Variants in ANGPTL3 observed in about 807,000 individuals in gnomAD.
ANGPTL3 encodes the protein angiopoietin like 3, also known as angiopoietin-related protein 3.
Under a neutral mutation model 52.7 loss-of-function variants are expected in ANGPTL3, and 51 were observed. The ratio of observed to expected loss-of-function variants is 0.97; its 90% CI spans 0.77 to 1.22. The LOEUF is 1.22. Ranked by LOEUF, ANGPTL3 falls within the 50% of genes most tolerant of loss-of-function variation. ANGPTL3 has a pLI of 0.00. For synonymous variants in ANGPTL3, 185 were observed against 179.8 expected (o/e 1.03, Z -0.23); for missense variants, 506 against 520.7 (o/e 0.97, Z 0.27).
In ANGPTL3 at chr1:62,604,731, T is replaced by A; in HGVS notation, c.1297T>A (p.Ser433Thr). The A allele has an allele frequency of 6.2e-7, 1 of 1,613,194 alleles. No homozygotes were observed. The highest frequency in any genetic ancestry group is 1.7e-4 in the Middle Eastern group (1 of 6,058). The change falls in exon 7 of 7, where the codon TCT becomes ACT. Residue 433 changes from serine (S) to threonine (T), a missense_variant. Transcript: ENST00000371129. Reference protein sequence around the residue: ...KSKPERRRGLSWKSQNGRLYS... With the variant: ...KSKPERRRGLTWKSQNGRLYS... ...TAAGCCAGAGAGGAGAAGAGGATTATCTTGGAAGTCTCAAAATGGAAGGTT... is the reference window on the plus strand; with the variant it reads ...TAAGCCAGAGAGGAGAAGAGGATTAACTTGGAAGTCTCAAAATGGAAGGTT...
chr1:62,605,503 C>T lies in ANGPTL3; in HGVS notation c.*686C>T, dbSNP rs1320374134. 1 of 152,366 alleles carries T rather than the reference C, an allele frequency of 6.6e-6. No homozygotes were observed. Among genetic ancestry groups the T allele is most frequent in the Non-Finnish European group, 1.5e-5 (1 of 67,934 alleles). The allele number at this position is 152,366 out of a possible 1,614,324, so 9.4% of individuals were successfully genotyped here. On this transcript the variant is annotated 3_prime_UTR_variant, in exon 7 of 7. Transcript: ENST00000371129. ...GACTTTAACATGAGGTATCACTATA[C>T]CTTATTTGTTAAAATATATACTGTA...
chr1:62,604,494 C>T, intron 6 of ANGPTL3, 139 bp from the exon 7 acceptor site: 3 of 985,016 alleles, frequency 3.0e-6, no homozygotes, highest in South Asian at 1.5e-5. Context: ...GGGACTTATA[C>T]AGATTATTTA....
intron 1 of ANGPTL3, among the ~76,000 whole-genome samples, chr1:62,598,381 A>C (rs1004531542): frequency 2.6e-5 from 4 of 152,060 alleles, no homozygotes; most frequent in African/African-American, 9.7e-5. Flanking sequence ...AAAAAAATTT[A>C]AAACTATTCT....
Position 62,604,202 on chromosome 1 carries a change from A to C in ANGPTL3, c.1165A>C (p.Lys389Gln), listed in dbSNP as rs1650594940. ...LVFSTWDHKA[K>Q]GHFNCPEGYS... ...GTTTTCTACTTGGGATCACAAAGCAAAAGGACACTTCAACTGTCCAGAGGG... is the reference window on the plus strand; with the variant it reads ...GTTTTCTACTTGGGATCACAAAGCACAAGGACACTTCAACTGTCCAGAGGG... The change falls in exon 6 of 7, where the codon AAA (lysine) becomes CAA (glutamine). Residue 389 changes from lysine (K) to glutamine (Q), a missense_variant. Coordinates refer to ENST00000371129, the MANE Select transcript of ANGPTL3 (RefSeq NM_014495.4). The C allele has an allele frequency of 1.9e-6, 3 of 1,613,270 alleles. No homozygotes were observed. In the African/African-American group the frequency reaches 4.0e-5, roughly 22 times the overall value.
In ANGPTL3 at chr1:62,597,894, A is replaced by G. The variant is rs761469232; in HGVS notation, c.328A>G (p.Asn110Asp). 1.9e-6 allele frequency: 3 copies of G among 1,571,464 alleles called. No homozygotes were observed. Among genetic ancestry groups the G allele is most frequent in the Middle Eastern group, 1.7e-4 (1 of 5,796 alleles). The stretch of plus-strand genomic sequence containing the variant: ...AACTACATATAAACTACAAGTCAAA[A>G]ATGAAGAGGTAAAGAATATGTCACT... ...RRTTYKLQVK[N>D]EEVKNMSLEL... The change falls in exon 1 of 7, where the codon AAT becomes GAT. Residue 110 changes from asparagine (N) to aspartate (D), a missense_variant. Coordinates refer to ENST00000371129, the MANE Select transcript of ANGPTL3 (RefSeq NM_014495.4).
chr1:62,604,308 G>T, intron 6 of ANGPTL3, 73 bp downstream of exon 6: 1 of 1,556,992 alleles, frequency 6.4e-7, no homozygotes, highest in Admixed American at 1.8e-5. Context: ...GCTATTATCT[G>T]CAATGACAAC....
intron 2 of ANGPTL3, among the ~76,000 whole-genome samples, chr1:62,600,599 C>T (rs551114447): frequency 6.6e-6 from 1 of 151,828 alleles, no homozygotes; most frequent in African/African-American, 2.4e-5. Context: ...ACAAACTTGC[C>T]AACCTGCCAA....
At chr1:62,598,186 A>G (rs1649577003) in intron 1 of ANGPTL3, 125 bp downstream of exon 1, 2 of 944,550 alleles carry the variant, frequency 2.1e-6, no homozygotes, top group African/African-American at 3.5e-5. Context: ...TTTCCAAGAA[A>G]AATAATCTCC....
chr1:62,598,744 G>A lies in ANGPTL3; in HGVS notation c.544G>A (p.Val182Met), dbSNP rs144284900. The A allele has an allele frequency of 1.8e-5, 29 of 1,611,132 alleles. No individual in the cohort carries two copies. Among genetic ancestry groups the A allele is most frequent in the African/African-American group, 2.7e-5 (2 of 74,794 alleles). The part of the protein sequence containing the change: ...DNSIKDLLQT[V>M]EDQYKQLNQQ... Reference sequence around the variant, plus strand: ...TAGCATCAAAGACCTTCTCCAGACCGTGGAAGACCAATATAAACAATTAAA... The same window carrying A: ...TAGCATCAAAGACCTTCTCCAGACCATGGAAGACCAATATAAACAATTAAA... The change falls in exon 2 of 7, where the codon GTG becomes ATG. Residue 182 changes from valine to methionine, a missense_variant. Physicochemically the swap from Val to Met is conservative, Grantham distance 21. Coordinates refer to ENST00000371129, the MANE Select transcript of ANGPTL3 (RefSeq NM_014495.4).
At position 62,604,915 on chromosome 1, in the gene ANGPTL3, A is replaced by G; in HGVS notation, c.*98A>G. 1 of 1,301,844 alleles carries G rather than the reference A, an allele frequency of 7.7e-7. No homozygotes were observed. Among genetic ancestry groups the G allele is most frequent in the South Asian group, 1.3e-5 (1 of 79,906 alleles). 80.6% of individuals were successfully genotyped at this position (1,301,844 alleles called of 1,614,324 possible). ...TATTAAATCCTTAAGAGAAAGCTTGAGAAATAGATTTTTTTTATCTTAAAG... is the reference window on the plus strand; with the variant it reads ...TATTAAATCCTTAAGAGAAAGCTTGGGAAATAGATTTTTTTTATCTTAAAG... On this transcript the variant is annotated 3_prime_UTR_variant, in exon 7 of 7. Coordinates refer to ENST00000371129, the MANE Select transcript of ANGPTL3 (RefSeq NM_014495.4).
At position 62,598,796 on chromosome 1, in the gene ANGPTL3, T is replaced by C. The variant is rs112068132; in HGVS notation, c.596T>C (p.Ile199Thr). 3.1e-5 allele frequency: 49 copies of C among 1,591,860 alleles called. No homozygotes were observed. Among genetic ancestry groups the C allele is most frequent in the Middle Eastern group, 1.7e-4 (1 of 6,038 alleles). The change falls in exon 2 of 7, where the codon ATA becomes ACA. Residue 199 changes from isoleucine (I) to threonine (T), a missense_variant. Physicochemically the swap from Ile to Thr is moderately conservative, Grantham distance 89 (BLOSUM62 -1). Transcript: ENST00000371129. ...CAACAGCATAGTCAAATAAAAGAAA[T>C]AGAAAATCAGGTAAGTCAGTATTTT... ...LNQQHSQIKE[I>T]ENQLRRTSIQ...
In ANGPTL3 at chr1:62,604,834, A is replaced by C; in HGVS notation, c.*17A>C. 1 of 1,608,916 alleles carries C rather than the reference A, an allele frequency of 6.2e-7. No homozygotes were observed. Among genetic ancestry groups the C allele is most frequent in the Non-Finnish European group, 8.5e-7 (1 of 1,177,300 alleles). ...TTTGAATGAACTGAGGCAAATTTAA[A>C]AGGCAATAATTTAAACATTAACCTC... On this transcript the variant is annotated 3_prime_UTR_variant, in exon 7 of 7. Coordinates refer to ENST00000371129, the MANE Select transcript of ANGPTL3 (RefSeq NM_014495.4).
At chr1:62,604,271 T>A in intron 6 of ANGPTL3, 36 bp downstream of exon 6, 1 of 1,606,658 alleles carries the variant, frequency 6.2e-7, no homozygotes, top group East Asian at 2.2e-5. Context: ...TATTTTCATA[T>A]CTTCAAAGTA....
intron 6 of ANGPTL3, 126 bp from the exon 7 acceptor site, chr1:62,604,507 A>T: frequency 9.6e-7 from 1 of 1,042,894 alleles, no homozygotes; most frequent in Admixed American, 2.3e-5. Flanking sequence ...ATTATTTAAA[A>T]CTGGGATACA....
rs570715138 is a variant in ANGPTL3, at chr1:62,604,225, G to C, written c.1188G>C (p.Glu396Asp). The C allele has an allele frequency of 6.2e-7, 1 of 1,613,048 alleles. No individual in the cohort carries two copies. The highest frequency in any genetic ancestry group is 1.7e-5 in the Admixed American group (1 of 59,954). ...CAAAAGGACACTTCAACTGTCCAGA[G>C]GGTTATTCAGGTATCTTTTTCTGAT... ...HKAKGHFNCPEGYSGGWWWHD... is the reference protein window; with the variant it reads ...HKAKGHFNCPDGYSGGWWWHD... The change falls in exon 6 of 7, where the codon GAG (glutamate) becomes GAC (aspartate). Residue 396 changes from glutamate (E) to aspartate (D), a missense_variant. Glu to Asp is a conservative substitution (Grantham distance 45, BLOSUM62 2). Coordinates refer to ENST00000371129, the MANE Select transcript of ANGPTL3 (RefSeq NM_014495.4).
Position 62,604,825 on chromosome 1 carries a change from C to T in ANGPTL3, c.*8C>T. 6.2e-7 allele frequency: 1 copy of T among 1,611,506 alleles called. No homozygotes were observed. Among genetic ancestry groups the T allele is most frequent in the Non-Finnish European group, 8.5e-7 (1 of 1,178,506 alleles). On this transcript the variant is annotated 3_prime_UTR_variant, in exon 7 of 7. Transcript: ENST00000371129. The stretch of plus-strand genomic sequence containing the variant: ...TCAGAAAGCTTTGAATGAACTGAGG[C>T]AAATTTAAAAGGCAATAATTTAAAC...
In ANGPTL3 at chr1:62,601,830, C is replaced by A. The variant is rs752131105; in HGVS notation, c.783C>A (p.Ala261=). 7 of 1,610,232 alleles carry A rather than the reference C, an allele frequency of 4.3e-6. No individual in the cohort carries two copies. The South Asian group carries it at 6.6e-5, about 15-fold the overall frequency. ...GTGAACATACAAGTGGCATGTATGC[C>A]ATCAGACCCAGCAACTCTCAAGTTT... ...NRGEHTSGMY[A]IRPSNSQVFH... is the part of the protein sequence containing the mutation. Residue 261 remains alanine, a synonymous_variant, in exon 4 of 7, where the codon GCC becomes GCA. Coordinates refer to ENST00000371129, the MANE Select transcript of ANGPTL3 (RefSeq NM_014495.4).
chr1:62,600,212 T>C (rs1243201053), intron 2 of ANGPTL3, among the ~76,000 whole-genome samples: 1 of 151,674 alleles, frequency 6.6e-6, no homozygotes. Flanking sequence ...AAAATAAAAA[T>C]GTGTGAAGAA....
chr1:62,599,554 C>T (rs920454793), intron 2 of ANGPTL3, among the ~76,000 whole-genome samples: 1 of 152,036 alleles, frequency 6.6e-6, no homozygotes, highest in Admixed American at 6.6e-5. Context: ...TTTATCTCTT[C>T]TATTCCTGCA....
Sources: allele counts gnomAD v4.1 joint callset (sites outside exome capture counted in the v4.1 genomes callset), GRCh38; gene constraint gnomAD v4.1.1; transcripts MANE v1.5; gene names NCBI Gene and HGNC (gene_info 2026-07-23, HGNC 2026-07-21).